Variants in INPP4B observed in about 807,000 individuals in gnomAD.
INPP4B encodes inositol polyphosphate-4-phosphatase type II B, also known as inositol polyphosphate 4-phosphatase type II.
A neutral mutation model predicts 122.5 loss-of-function variants in INPP4B; 55 were observed. That is an observed-to-expected ratio of 0.45 (90% confidence interval 0.36 to 0.56). The LOEUF is 0.56. INPP4B is among the 20% of genes least tolerant of loss of function. The probability of loss-of-function intolerance (pLI) is 0.00; values close to 1 mark genes in which losing one functional copy is unlikely to be tolerated. For missense variants in INPP4B, 1,000 were observed against 1,097.7 expected (o/e 0.91, Z 1.26); for synonymous variants, 403 against 388.7 (o/e 1.04, Z -0.43).
chr4:142,305,420 T>C (rs1369152788), intron 9 of INPP4B, 38 bp downstream of exon 9: 6 of 1,462,152 alleles, frequency 4.1e-6, no homozygotes, highest in African/African-American at 1.4e-5. Flanking sequence ...TCACTTGTTA[T>C]TAACTTTAAC....
At chr4:142,068,848 T>C (rs1457875083) in intron 25 of INPP4B, among the ~76,000 whole-genome samples, 1 of 152,050 alleles carries the variant, frequency 6.6e-6, no homozygotes, top group African/African-American at 2.4e-5. Flanking sequence ...CTTTGAGAAA[T>C]ACAAAGAGAC....
chr4:142,557,018 C>T (rs1729352436), intron 2 of INPP4B, among the ~76,000 whole-genome samples: 1 of 152,118 alleles, frequency 6.6e-6, no homozygotes, highest in Non-Finnish European at 1.5e-5. Context: ...ACCGGAGGAC[C>T]AGTAGCCAAC....
chr4:142,686,969 A>T (rs1251343691), intron 2 of INPP4B, among the ~76,000 whole-genome samples: 1 of 152,036 alleles, frequency 6.6e-6, no homozygotes, highest in African/African-American at 2.4e-5. Flanking sequence ...TGGGGCGAAA[A>T]AAGGCAAGGT....
chr4:142,120,909 A>G (rs1796285172), intron 21 of INPP4B, among the ~76,000 whole-genome samples: 1 of 152,030 alleles, frequency 6.6e-6, no homozygotes, highest in Non-Finnish European at 1.5e-5. Context: ...TTTTGGAGAG[A>G]GGGTGTGCTA....
chr4:142,621,299 G>C (rs563437432), intron 2 of INPP4B, among the ~76,000 whole-genome samples: 2 of 151,974 alleles, frequency 1.3e-5, no homozygotes, highest in South Asian at 4.1e-4. Flanking sequence ...GCAGTAGAGA[G>C]GTAAGTGATG....
chr4:142,388,773 A>C (rs1261724507), intron 7 of INPP4B, among the ~76,000 whole-genome samples: 2 of 152,210 alleles, frequency 1.3e-5, no homozygotes, highest in African/African-American at 4.8e-5. Flanking sequence ...CCATGCAATA[A>C]AATGCACAGT....
At chr4:142,342,538 T>C (rs771615714) in intron 7 of INPP4B, among the ~76,000 whole-genome samples, 7 of 152,134 alleles carry the variant, frequency 4.6e-5, no homozygotes, top group Non-Finnish European at 7.3e-5. Context: ...ATGTTGAGGA[T>C]GGAGAAATAT....
At chr4:142,384,391 T>C (rs1435438234) in intron 7 of INPP4B, among the ~76,000 whole-genome samples, 2 of 152,194 alleles carry the variant, frequency 1.3e-5, no homozygotes, top group African/African-American at 2.4e-5. Context: ...CTAGATAGTA[T>C]TGCCTACTAC....
chr4:142,841,595 A>G (rs971094935), intron 1 of INPP4B, among the ~76,000 whole-genome samples: 1 of 151,926 alleles, frequency 6.6e-6, no homozygotes, highest in Non-Finnish European at 1.5e-5. Flanking sequence ...ATAGTAAAAA[A>G]TATTAAGAGG....
At chr4:142,207,337 A>C (rs1446763351) in intron 14 of INPP4B, among the ~76,000 whole-genome samples, 1 of 152,128 alleles carries the variant, frequency 6.6e-6, no homozygotes, top group East Asian at 1.9e-4. Flanking sequence ...TCGTAGCTTT[A>C]CTTTTAGTTT....
At chr4:142,179,215 G>A (rs1251060268) in intron 15 of INPP4B, among the ~76,000 whole-genome samples, 1 of 152,108 alleles carries the variant, frequency 6.6e-6, no homozygotes, top group African/African-American at 2.4e-5. Flanking sequence ...GCTCACACCT[G>A]TAGTCCCAGC....
At chr4:142,468,320 C>T (rs1157652372) in intron 2 of INPP4B, among the ~76,000 whole-genome samples, 1 of 152,104 alleles carries the variant, frequency 6.6e-6, no homozygotes, top group Non-Finnish European at 1.5e-5. Flanking sequence ...AGGTTAAGGG[C>T]CCACATCAGT....
intron 3 of INPP4B, among the ~76,000 whole-genome samples, chr4:142,445,010 G>A (rs1049220737): frequency 1.3e-5 from 2 of 152,066 alleles, no homozygotes; most frequent in Non-Finnish European, 2.9e-5. Context: ...ACCAGGGCCT[G>A]TCAGGGTGTG....
intron 25 of INPP4B, among the ~76,000 whole-genome samples, chr4:142,080,606 T>C (rs1385482557): frequency 6.6e-6 from 1 of 152,164 alleles, no homozygotes; most frequent in African/African-American, 2.4e-5. Context: ...AAATATATTG[T>C]TCTATAGTAT....
chr4:142,596,381 T>C (rs1738687362), intron 2 of INPP4B, among the ~76,000 whole-genome samples: 1 of 152,130 alleles, frequency 6.6e-6, no homozygotes, highest in African/African-American at 2.4e-5. Context: ...AATGCTGCCC[T>C]GAGACCAATG....
intron 1 of INPP4B, among the ~76,000 whole-genome samples, chr4:142,809,951 C>T (rs898226553): frequency 2.6e-5 from 4 of 152,040 alleles, no homozygotes; most frequent in Admixed American, 2.0e-4. Flanking sequence ...GGGCAGATCA[C>T]CTGAGGTCAG....
intron 2 of INPP4B, among the ~76,000 whole-genome samples, chr4:142,624,089 TGG>T: frequency 6.6e-6 from 1 of 151,288 alleles, no homozygotes; most frequent in African/African-American, 2.4e-5. Context: ...TACCCAGTAA[TGG>T]GATGGCTGGG....
At chr4:142,687,081 A>G (rs1047241383) in intron 2 of INPP4B, among the ~76,000 whole-genome samples, 7 of 152,014 alleles carry the variant, frequency 4.6e-5, no homozygotes, top group Non-Finnish European at 1.0e-4. Flanking sequence ...CTTTGTTTCT[A>G]ACAAGATGGG....
intron 2 of INPP4B, among the ~76,000 whole-genome samples, chr4:142,714,451 CAGCTAA>C (rs754809296): frequency 7.2e-5 from 11 of 152,138 alleles, no homozygotes; most frequent in Non-Finnish European, 1.2e-4. Context: ...CCCTTTTGAC[CAGCTAA>C]AGTCTATGGA....
Sources: allele counts gnomAD v4.1 joint callset (sites outside exome capture counted in the v4.1 genomes callset), GRCh38; gene constraint gnomAD v4.1.1; transcripts MANE v1.5; gene names NCBI Gene and HGNC (gene_info 2026-07-23, HGNC 2026-07-21).